Variants in PDE4D observed in about 807,000 individuals in gnomAD.
PDE4D encodes phosphodiesterase 4D, also known as 3',5'-cyclic-AMP phosphodiesterase 4D.
A neutral mutation model predicts 87.4 loss-of-function variants in PDE4D; 24 were observed. That is an observed-to-expected ratio of 0.27 (90% confidence interval 0.20 to 0.39). The LOEUF (loss-of-function observed/expected upper bound fraction) is 0.39. Among genes scored for constraint, PDE4D ranks in the 10% least tolerant of loss-of-function variants. PDE4D has a pLI of 1.00. For synonymous variants in PDE4D, 384 were observed against 383.2 expected, an observed-to-expected ratio of 1.00 and a Z score of -0.02; for missense variants, 714 against 1,041.0, an observed-to-expected ratio of 0.69 and a Z score of 4.32.
At chr5:60,335,964 T>A (rs1757718387) in intron 1 of PDE4D, among the ~76,000 whole-genome samples, 2 of 152,184 alleles carry the variant, frequency 1.3e-5, no homozygotes, top group Non-Finnish European at 2.9e-5. Context: ...ATTAAACTAT[T>A]ATCAAGCAGC....
chr5:59,381,255 A>G (rs1785776234), intron 1 of PDE4D, among the ~76,000 whole-genome samples: 1 of 152,154 alleles, frequency 6.6e-6, no homozygotes, highest in South Asian at 2.1e-4. Context: ...ATATTTACTT[A>G]GCTTGATAAT....
At chr5:59,884,520 A>C (rs1439924964) in intron 1 of PDE4D, among the ~76,000 whole-genome samples, 1 of 152,036 alleles carries the variant, frequency 6.6e-6, no homozygotes, top group Non-Finnish European at 1.5e-5. Context: ...CAATACAGAT[A>C]TATCATCATT....
intron 1 of PDE4D, among the ~76,000 whole-genome samples, chr5:59,593,371 T>C (rs1561284089): frequency 6.6e-6 from 1 of 152,114 alleles, no homozygotes; most frequent in Non-Finnish European, 1.5e-5. Context: ...TATTCTTTCA[T>C]TTATCCTGAT....
intron 5 of PDE4D, chr5:59,039,191 GGC>G (rs1759145993): frequency 7.6e-7 from 1 of 1,318,412 alleles, no homozygotes; most frequent in South Asian, 1.9e-5. Context: ...TCTCCAGCTT[GGC>G]GTCTCGGGTC....
At chr5:59,394,628 A>T (rs1262616974) in intron 1 of PDE4D, among the ~76,000 whole-genome samples, 1 of 152,050 alleles carries the variant, frequency 6.6e-6, no homozygotes, top group African/African-American at 2.4e-5. Context: ...TATTGGTGAA[A>T]ATAATGAAAG....
intron 1 of PDE4D, among the ~76,000 whole-genome samples, chr5:59,779,737 C>A (rs1052532091): frequency 2.0e-5 from 3 of 152,130 alleles, no homozygotes; most frequent in Non-Finnish European, 2.9e-5. Context: ...TTAGCCATTT[C>A]CCTACTGGAG....
chr5:59,592,244 T>C, intron 1 of PDE4D: 6 of 637,868 alleles, frequency 9.4e-6, no homozygotes, highest in Non-Finnish European at 1.2e-5. Context: ...ATGTTGATAG[T>C]CATGACTTTC....
chr5:60,129,398 C>T (rs1334143189), intron 2 of PDE4D, among the ~76,000 whole-genome samples: 1 of 149,976 alleles, frequency 6.7e-6, no homozygotes, highest in Non-Finnish European at 1.5e-5. Context: ...ATGTCAAATG[C>T]ATGAAAGTAT....
At chr5:60,512,449 G>A (rs1750619630) in intron 1 of PDE4D, among the ~76,000 whole-genome samples, 1 of 152,044 alleles carries the variant, frequency 6.6e-6, no homozygotes. Flanking sequence ...TCAATCTGCA[G>A]ATGTAAAAAT....
At chr5:59,356,383 C>T (rs181981170) in intron 1 of PDE4D, among the ~76,000 whole-genome samples, 65 of 152,258 alleles carry the variant, frequency 4.3e-4, no homozygotes, top group African/African-American at 1.5e-3. Flanking sequence ...TGCCCTGAAA[C>T]ACTTATGAAG....
At chr5:60,484,238 C>G (rs1163191554) in intron 1 of PDE4D, among the ~76,000 whole-genome samples, 1 of 151,034 alleles carries the variant, frequency 6.6e-6, no homozygotes, top group East Asian at 1.9e-4. Flanking sequence ...ATTTCCTAAC[C>G]CACTTTTTCC....
intron 1 of PDE4D, among the ~76,000 whole-genome samples, chr5:59,582,662 C>A (rs931293360): frequency 3.9e-5 from 6 of 151,990 alleles, no homozygotes; most frequent in Non-Finnish European, 8.8e-5. Flanking sequence ...TATAGAGGAA[C>A]AATCAAACAA....
At chr5:60,446,583 T>C (rs1274431933) in intron 1 of PDE4D, among the ~76,000 whole-genome samples, 3 of 152,148 alleles carry the variant, frequency 2.0e-5, no homozygotes, top group South Asian at 2.1e-4. Context: ...GGTTGAGATA[T>C]TAATTTGAAG....
chr5:60,279,696 T>C (rs1751706599), intron 1 of PDE4D, among the ~76,000 whole-genome samples: 1 of 151,412 alleles, frequency 6.6e-6, no homozygotes, highest in Admixed American at 6.6e-5. Context: ...TTTTTTTTTT[T>C]TTTCTTGAGA....
At chr5:59,972,742 A>AC (rs1472237929) in intron 3 of PDE4D, among the ~76,000 whole-genome samples, 1 of 152,108 alleles carries the variant, frequency 6.6e-6, no homozygotes, top group Non-Finnish European at 1.5e-5. Flanking sequence ...GCTCTTAGAG[A>AC]CCCCACTAAT....
chr5:59,180,596 T>C lies in PDE4D; in HGVS notation c.807A>G (p.Thr269=). The C allele has an allele frequency of 6.2e-7, 1 of 1,612,970 alleles. No individual in the cohort carries two copies. The highest frequency in any genetic ancestry group is 8.5e-7 in the Non-Finnish European group (1 of 1,179,306). The change falls in exon 5 of 15, where the codon ACA becomes ACG. Residue 269 remains threonine, a splice_region_variant and synonymous_variant. Transcript: ENST00000340635. Reference sequence around the variant, plus strand: ...GAATAAGCTCCAGATCTTTCTTACCTGTTATGGTGGCTTTGTTGATGGATG... The same window carrying C: ...GAATAAGCTCCAGATCTTTCTTACCCGTTATGGTGGCTTTGTTGATGGATG... ...NQPSINKATI[T]EEAYQKLASE... is the part of the protein sequence containing the mutation.
intron 1 of PDE4D, among the ~76,000 whole-genome samples, chr5:59,628,878 C>G (rs530181649): frequency 2.6e-4 from 40 of 152,258 alleles, no homozygotes; most frequent in Admixed American, 1.8e-3. Context: ...GTTTAATTGA[C>G]TCACAGTTCA....
At chr5:59,697,930 G>A (rs1252990896) in intron 1 of PDE4D, among the ~76,000 whole-genome samples, 1 of 152,128 alleles carries the variant, frequency 6.6e-6, no homozygotes, top group African/African-American at 2.4e-5. Flanking sequence ...ATTTTATGCA[G>A]TGGACAAATA....
rs372238302 is a variant in PDE4D, at chr5:60,035,113, G to A, written c.43-46396C>T. 1.0e-3 allele frequency among the ~76,000 whole-genome samples: 155 copies of A among 152,194 alleles called. 1 individual carries two copies. In the East Asian group the frequency reaches 0.011, roughly 11 times the overall value. On this transcript the variant is annotated intron_variant, in intron 2 of 16. Coordinates refer to the PDE4D transcript ENST00000502484. ...TCTATTAAAAATACAAAAATTAGCC[G>A]GGCATGGTGACGTATGCCTGTAGTC...
Sources: allele counts gnomAD v4.1 joint callset (sites outside exome capture counted in the v4.1 genomes callset), GRCh38; gene constraint gnomAD v4.1.1; transcripts MANE v1.5; gene names NCBI Gene and HGNC (gene_info 2026-07-23, HGNC 2026-07-21).